The following UIMC1 variants were observed in gnomAD, a reference collection of about 807,000 sequenced individuals.
UIMC1 encodes BRCA1-A complex subunit RAP80.
In UIMC1, 42 loss-of-function variants were observed where a neutral mutation model predicts 84.9. The ratio of observed to expected loss-of-function variants is 0.49; its 90% confidence interval spans 0.39 to 0.64. The LOEUF is 0.64. Among genes scored for constraint, UIMC1 ranks in the 30% least tolerant of loss-of-function variants. The probability of loss-of-function intolerance (pLI) is 0.00; values close to 1 mark genes in which losing one functional copy is unlikely to be tolerated. For missense variants in UIMC1, 825 were observed against 847.6 expected (o/e 0.97, Z 0.33); for synonymous variants, 281 against 293.0 (o/e 0.96, Z 0.42).
intron 1 of UIMC1, among the ~76,000 whole-genome samples, chr5:177,014,274 G>C (rs528007262): frequency 2.6e-5 from 4 of 151,558 alleles, no homozygotes; most frequent in African/African-American, 9.7e-5. Context: ...GGCTGGTCTC[G>C]AACTCCTGAT....
At chr5:176,975,504 T>G in intron 2 of UIMC1, 24 bp from the exon 3 acceptor site, 1 of 1,612,148 alleles carries the variant, frequency 6.2e-7, no homozygotes, top group Non-Finnish European at 8.5e-7. Flanking sequence ...AGAAATATCA[T>G]CAGTGTGGCT....
chr5:177,000,103 G>A (rs543616278), intron 1 of UIMC1, among the ~76,000 whole-genome samples: 105 of 151,884 alleles, frequency 6.9e-4, no homozygotes, highest in South Asian at 5.8e-3. Flanking sequence ...GGATACAGGC[G>A]CCCGCCACCA....
At chr5:177,021,515 T>C (rs1333222075) in intron 1 of UIMC1, among the ~76,000 whole-genome samples, 1 of 152,098 alleles carries the variant, frequency 6.6e-6, no homozygotes, top group Admixed American at 6.6e-5. Flanking sequence ...GCCATGAAGA[T>C]ATATGAGAGA....
chr5:176,970,271 CAAAA>C (rs57976266), intron 4 of UIMC1: 232 of 77,934 alleles, frequency 3.0e-3, no homozygotes, highest in Middle Eastern at 0.016. Context: ...GACTCCATCT[CAAAA>C]AAAAAAAAAA....
chr5:177,013,556 T>C (rs965294027), intron 1 of UIMC1, among the ~76,000 whole-genome samples: 49 of 152,192 alleles, frequency 3.2e-4, no homozygotes, highest in African/African-American at 1.2e-3. Flanking sequence ...ACATGAATCA[T>C]GCAACATCTC....
chr5:177,021,657 CT>C lies in UIMC1; in HGVS notation c.-9+806del, dbSNP rs745476437. ...TTGTTGGTCGAAGTAAGGACTTTGG[CT>C]TTTTTTTTTTTTAGTCGGAGTTTCG... On this transcript the variant is annotated intron_variant, in intron 1 of 5. Coordinates refer to the UIMC1 transcript ENST00000509236. Among the ~76,000 whole-genome samples, 570 of 143,142 alleles carry C rather than the reference CT, an allele frequency of 4.0e-3. 1 individual carries two copies. Among genetic ancestry groups the C allele is most frequent in the East Asian group, 7.7e-3 (38 of 4,926 alleles). The allele number at this position is 143,142 out of a possible 152,430, so 93.9% of individuals were successfully genotyped here. A position where few individuals can be genotyped will look rare whatever the true frequency, so the allele number is the denominator to read the frequency against.
chr5:176,984,863 T>C (rs1485177341), intron 1 of UIMC1, among the ~76,000 whole-genome samples: 1 of 152,218 alleles, frequency 6.6e-6, no homozygotes, highest in Non-Finnish European at 1.5e-5. Flanking sequence ...CAGTGCAAGA[T>C]GTGCTTTGTT....
rs1223282092 is a variant in UIMC1 at position 176,987,949 on chromosome 5, G to A, written c.-8-5326C>T. 5.3e-5 allele frequency among the ~76,000 whole-genome samples: 8 copies of A among 151,986 alleles called. No homozygotes were observed. The South Asian group carries it at 1.7e-3, about 32-fold the overall frequency. On this transcript the variant is annotated intron_variant, in intron 1 of 14. Coordinates refer to ENST00000511320, the MANE Select transcript of UIMC1 (RefSeq NM_001199298.2). ...GTTTGAGACCAGCCCAGGAAACACG[G>A]CAAAACCCTATACAAAAAATACGAA...
intron 10 of UIMC1, among the ~76,000 whole-genome samples, chr5:176,927,704 C>G (rs1397954737): frequency 3.3e-5 from 5 of 152,050 alleles, no homozygotes. Flanking sequence ...CTTTACAGAA[C>G]CCTAGTTAAC....
intron 1 of UIMC1, among the ~76,000 whole-genome samples, chr5:177,005,414 C>T (rs116755757): frequency 0.011 from 1,629 of 152,040 alleles, 9 homozygotes; most frequent in South Asian, 0.025. Context: ...AACTTATTTC[C>T]GTAATTTTTG....
intron 2 of UIMC1, among the ~76,000 whole-genome samples, chr5:176,977,582 C>CAAAAAAAAAAAAAAAAAAAAAAAAAA: frequency 2.1e-5 from 1 of 47,812 alleles, no homozygotes; most frequent in Non-Finnish European, 4.0e-5. Flanking sequence ...GACTCCATCT[C>CAAAAAAAAAAAAAAAAAAAAAAAAAA]AAAAAAAAAA....
intron 3 of UIMC1, among the ~76,000 whole-genome samples, chr5:176,973,829 G>A (rs1409430939): frequency 2.0e-5 from 3 of 152,020 alleles, no homozygotes; most frequent in African/African-American, 7.2e-5. Flanking sequence ...CTTGAGCCCA[G>A]GAGGCAGAGG....
At position 176,953,141 on chromosome 5, in the gene UIMC1, A is replaced by T. The variant is rs532267752; in HGVS notation, c.1340-1564T>A. On this transcript the variant is annotated intron_variant, in intron 8 of 14. Coordinates refer to ENST00000511320, the MANE Select transcript of UIMC1 (RefSeq NM_001199298.2). The stretch of plus-strand genomic sequence containing the variant: ...CGGGAAGTTGTCTGGCTCTCACCAG[A>T]CACTGAATCTGCCAACTCCTTGATC... Among the ~76,000 whole-genome samples, 4 of 152,270 alleles carry T rather than the reference A, an allele frequency of 2.6e-5. No individual in the cohort carries two copies. The East Asian group carries it at 5.8e-4, about 22-fold the overall frequency.
chr5:176,996,295 G>A (rs1014985712), intron 1 of UIMC1, among the ~76,000 whole-genome samples: 1 of 152,182 alleles, frequency 6.6e-6, no homozygotes, highest in Non-Finnish European at 1.5e-5. Context: ...AGAAGAGGAA[G>A]AGAAATTACT....
chr5:176,978,496 AAT>A (rs1346675001), intron 2 of UIMC1, among the ~76,000 whole-genome samples: 4 of 152,150 alleles, frequency 2.6e-5, no homozygotes, highest in African/African-American at 9.7e-5. Context: ...CATAGAAAAA[AAT>A]AATAAGCTTT....
At chr5:177,003,859 A>G (rs546592495) in intron 1 of UIMC1, among the ~76,000 whole-genome samples, 1 of 152,280 alleles carries the variant, frequency 6.6e-6, no homozygotes, top group African/African-American at 2.4e-5. Flanking sequence ...TTACTGAGAC[A>G]AGGCCTCACT....
At chr5:176,942,210 T>C (rs1011702944) in intron 10 of UIMC1, among the ~76,000 whole-genome samples, 12 of 151,666 alleles carry the variant, frequency 7.9e-5, no homozygotes, top group African/African-American at 2.7e-4. Flanking sequence ...ATGTAGGACA[T>C]GAATGTAAAT....
chr5:176,982,744 G>A, intron 1 of UIMC1, 121 bp from the exon 2 acceptor site: 7 of 1,180,430 alleles, frequency 5.9e-6, no homozygotes, highest in Non-Finnish European at 8.1e-6. Flanking sequence ...TTGTTGCCCA[G>A]GCTGGAGTGC....
chr5:176,927,120 T>G (rs1283994922), intron 10 of UIMC1, among the ~76,000 whole-genome samples: 1 of 149,846 alleles, frequency 6.7e-6, no homozygotes, highest in Non-Finnish European at 1.5e-5. Context: ...CCCAACACTT[T>G]GGGAGGCCAA....
Sources: gnomAD v4.1 joint callset for allele counts (sites outside exome capture counted in the v4.1 genomes callset) on GRCh38, gnomAD v4.1.1 for gene constraint, MANE v1.5 for transcripts, NCBI Gene and HGNC (gene_info 2026-07-23, HGNC 2026-07-21) for gene names.